Variants in NCOA1 observed in about 807,000 individuals in gnomAD.
NCOA1 encodes nuclear receptor coactivator 1, also known as Hin-2 protein.
Under a neutral mutation model 150.9 loss-of-function variants are expected in NCOA1, and 35 were observed. That is an observed-to-expected ratio of 0.23 (90% CI 0.18 to 0.31). The LOEUF is 0.31. Among genes scored for constraint, NCOA1 ranks in the 10% least tolerant of loss-of-function variants. The probability of loss-of-function intolerance (pLI) is 1.00; values close to 1 mark genes in which losing one functional copy is unlikely to be tolerated. For missense variants in NCOA1, 1,491 were observed against 1,749.3 expected (o/e 0.85, Z 2.63); for synonymous variants, 590 against 630.0 (o/e 0.94, Z 0.95).
At chr2:24,726,833 C>CAA in intron 15 of NCOA1, 127 bp downstream of exon 15, 1 of 278,894 alleles carries the variant, frequency 3.6e-6, no homozygotes, top group Non-Finnish European at 6.3e-6. Context: ...TAAATACTTA[C>CAA]TAAAAAAAAA....
chr2:24,710,566 AAT>A (rs1259006092), intron 13 of NCOA1, among the ~76,000 whole-genome samples: 1 of 152,230 alleles, frequency 6.6e-6, no homozygotes, highest in Admixed American at 6.5e-5. Flanking sequence ...AATTTTGAAA[AAT>A]ATGACAGGAA....
intron 4 of NCOA1, among the ~76,000 whole-genome samples, chr2:24,648,805 A>G (rs983491917): frequency 4.6e-5 from 7 of 152,058 alleles, no homozygotes; most frequent in African/African-American, 9.7e-5. Context: ...GTAGATATAT[A>G]TATTTAACTA....
chr2:24,765,896 C>CTTTTTTTTTTTTTTTTTTTTTTTTT (rs773857143), intron 22 of NCOA1, among the ~76,000 whole-genome samples: 1 of 128,036 alleles, frequency 7.8e-6, no homozygotes, highest in Non-Finnish European at 1.6e-5. Flanking sequence ...CAATAATACA[C>CTTTTTTTTTTTTTTTTTTTTTTTTT]TTTTTTTTTT....
intron 14 of NCOA1, among the ~76,000 whole-genome samples, chr2:24,719,537 A>G (rs1674252312): frequency 6.6e-6 from 1 of 152,260 alleles, no homozygotes; most frequent in Admixed American, 6.5e-5. Context: ...AGTTGTAAAG[A>G]TAGAATAAAG....
At chr2:24,677,449 A>T (rs1671969310) in intron 7 of NCOA1, among the ~76,000 whole-genome samples, 1 of 152,072 alleles carries the variant, frequency 6.6e-6, no homozygotes, top group Non-Finnish European at 1.5e-5. Context: ...TTTTTGAGAG[A>T]GTCTTGGTCT....
intron 1 of NCOA1, among the ~76,000 whole-genome samples, chr2:24,508,248 A>G (rs1663787430): frequency 6.6e-6 from 1 of 152,048 alleles, no homozygotes; most frequent in South Asian, 2.1e-4. Flanking sequence ...TGCTCCAGCC[A>G]TCTCTCGTGG....
In NCOA1 at chr2:24,543,846, CT is replaced by C. The variant is rs201222544; in HGVS notation, c.-395-20448del. On this transcript the variant is annotated intron_variant, in intron 1 of 22. Transcript: ENST00000348332. Reference sequence around the variant, plus strand: ...GCTTTATCCTGAGAGGAATGGGAATCTATTGAAATATTTTAATAATGAAAAG... The same window carrying C: ...GCTTTATCCTGAGAGGAATGGGAATCATTGAAATATTTTAATAATGAAAAG... Among the ~76,000 whole-genome samples, 1,288 of 152,036 alleles carry C rather than the reference CT, an allele frequency of 8.5e-3. 13 individuals carry two copies. The highest frequency in any genetic ancestry group is 0.058 in the Middle Eastern group (17 of 294).
At position 24,741,957 on chromosome 2, in the gene NCOA1, T is replaced by A; in HGVS notation, c.3477T>A (p.Leu1159=). 9 of 1,614,176 alleles carry A rather than the reference T, an allele frequency of 5.6e-6. No individual in the cohort carries two copies. Among genetic ancestry groups the A allele is most frequent in the Non-Finnish European group, 7.6e-6 (9 of 1,180,022 alleles). ...CAGTTCAAATGGGGAACCCCCGTCT[T>A]CCTCAGGGTGCTCCACAGCAATTCC... ...GLPVQMGNPR[L]PQGAPQQFPY... Residue 1159 remains leucine, a synonymous_variant, in exon 19 of 23, where the codon CTT becomes CTA. Transcript: ENST00000348332.
At chr2:24,533,459 C>T (rs939828734) in intron 1 of NCOA1, among the ~76,000 whole-genome samples, 2 of 152,032 alleles carry the variant, frequency 1.3e-5, no homozygotes, top group South Asian at 4.1e-4. Context: ...GTCTGATTGC[C>T]CTGGCCAGAA....
intron 1 of NCOA1, among the ~76,000 whole-genome samples, chr2:24,521,785 A>C (rs1420803359): frequency 6.6e-6 from 1 of 152,116 alleles, no homozygotes; most frequent in Non-Finnish European, 1.5e-5. Context: ...CTCTGATTTT[A>C]ATTTTTTGAG....
chr2:24,644,257 G>A (rs928189413), intron 4 of NCOA1, 135 bp downstream of exon 4: 2 of 152,114 alleles, frequency 1.3e-5, no homozygotes, highest in African/African-American at 2.4e-5. Context: ...TGTAAAACAG[G>A]TGCTCACATT....
chr2:24,753,602 A>G (rs1664356010), intron 20 of NCOA1, among the ~76,000 whole-genome samples: 1 of 152,144 alleles, frequency 6.6e-6, no homozygotes, highest in South Asian at 2.1e-4. Flanking sequence ...ATATTTGAGC[A>G]TTTATTCTTT....
At chr2:24,510,339 G>C (rs1320755885) in intron 1 of NCOA1, among the ~76,000 whole-genome samples, 2 of 152,020 alleles carry the variant, frequency 1.3e-5, no homozygotes, top group African/African-American at 4.8e-5. Context: ...GAGCCACCAC[G>C]CCCGGCTGCA....
chr2:24,611,242 A>C (rs1668608753), intron 3 of NCOA1, among the ~76,000 whole-genome samples: 1 of 152,210 alleles, frequency 6.6e-6, no homozygotes, highest in East Asian at 1.9e-4. Flanking sequence ...TGCTTAGAAT[A>C]ATGGCCTACA....
chr2:24,590,342 T>TC (rs2148332394), intron 3 of NCOA1, among the ~76,000 whole-genome samples: 1 of 152,312 alleles, frequency 6.6e-6, no homozygotes, highest in South Asian at 2.1e-4. Flanking sequence ...TGGCTTTTCT[T>TC]ACATTTACTT....
In NCOA1 at chr2:24,639,912, GTGTGTATATATATATATATATA is replaced by G. The variant is rs1480085564; in HGVS notation, c.-174-4052_-174-4031del. Among the ~76,000 whole-genome samples, 413 of 95,920 alleles carry G rather than the reference GTGTGTATATATATATATATATA, an allele frequency of 4.3e-3. 33 individuals are homozygous for G. The highest frequency in any genetic ancestry group is 0.02 in the South Asian group (65 of 3,318). 62.9% of individuals were successfully genotyped at this position (95,920 alleles called of 152,430 possible). ...CAAAAAAAAAAAAAAAAGTATGTGT[GTGTGTATATATATATATATATA>G]TATATATATATATATATATATATAT... On this transcript the variant is annotated intron_variant, in intron 3 of 22. Coordinates refer to ENST00000348332, the MANE Select transcript of NCOA1 (RefSeq NM_003743.5).
At chr2:24,544,274 G>A (rs1665516116) in intron 1 of NCOA1, among the ~76,000 whole-genome samples, 3 of 152,154 alleles carry the variant, frequency 2.0e-5, no homozygotes, top group Admixed American at 1.3e-4. Flanking sequence ...AGATCCAACT[G>A]GTAGTTGGAT....
intron 1 of NCOA1, among the ~76,000 whole-genome samples, chr2:24,493,436 A>G (rs532757817): frequency 6.6e-6 from 1 of 152,284 alleles, no homozygotes; most frequent in African/African-American, 2.4e-5. Flanking sequence ...TGGTTATTTA[A>G]CAACATTGAA....
At chr2:24,622,824 T>C (rs772673982) in intron 3 of NCOA1, among the ~76,000 whole-genome samples, 1 of 152,242 alleles carries the variant, frequency 6.6e-6, no homozygotes, top group Non-Finnish European at 1.5e-5. Flanking sequence ...TGGTCATTTA[T>C]GGTTTCTCCT....
Sources: allele counts gnomAD v4.1 joint callset (sites outside exome capture counted in the v4.1 genomes callset), GRCh38; gene constraint gnomAD v4.1.1; transcripts MANE v1.5; gene names NCBI Gene and HGNC (gene_info 2026-07-23, HGNC 2026-07-21).